Variants in DENND2A observed in about 807,000 individuals in gnomAD.
DENND2A encodes the protein DENN domain-containing protein 2A.
A neutral mutation model predicts 105.3 loss-of-function variants in DENND2A; 53 were observed. The observed-to-expected ratio is 0.50, with a 90% CI of 0.40 to 0.63. The LOEUF (loss-of-function observed/expected upper bound fraction) is 0.63, where lower values mean the gene tolerates loss of function less well. DENND2A is among the 30% of genes least tolerant of loss of function. The pLI is 0.00. For synonymous variants in DENND2A, 522 were observed against 508.4 expected (o/e 1.03, Z -0.36); for missense variants, 1,138 against 1,279.6 (o/e 0.89, Z 1.69).
intron 5 of DENND2A, among the ~76,000 whole-genome samples, chr7:140,581,622 T>G (rs978593684): frequency 6.6e-6 from 1 of 152,104 alleles, no homozygotes; most frequent in Non-Finnish European, 1.5e-5. Context: ...TGGTGAAGTC[T>G]CCAGCTGTCC....
chr7:140,573,379 C>CT (rs982087306), intron 6 of DENND2A, among the ~76,000 whole-genome samples: 1 of 152,144 alleles, frequency 6.6e-6, no homozygotes, highest in African/African-American at 2.4e-5. Flanking sequence ...AATATTTTAC[C>CT]TTTTTGGCTG....
At chr7:140,626,399 TA>T (rs1445767571) in intron 1 of DENND2A, among the ~76,000 whole-genome samples, 4 of 152,112 alleles carry the variant, frequency 2.6e-5, no homozygotes, top group Non-Finnish European at 4.4e-5. Flanking sequence ...CACTGGATAG[TA>T]ATCCTGAGAA....
At chr7:140,542,028 C>T (rs866259573) in intron 14 of DENND2A, among the ~76,000 whole-genome samples, 2 of 151,902 alleles carry the variant, frequency 1.3e-5, no homozygotes, top group African/African-American at 4.8e-5. Context: ...GTCAGATTTC[C>T]TCTCCAAACC....
rs1798615443 is a variant in DENND2A at position 140,583,210 on chromosome 7, G to A, written c.1245+2379C>T. ...TGTAGTCCCAGCTACCTGGGAGGCT[G>A]AGGCAGGAGAATGGCGTGAACCCGG... is the stretch of plus-strand genomic sequence containing the variant. On this transcript the variant is annotated intron_variant, in intron 5 of 19. Transcript: ENST00000496613. Among the ~76,000 whole-genome samples the A allele has an allele frequency of 3.3e-5, 5 of 152,120 alleles. No homozygotes were observed. The South Asian group carries it at 1.0e-3, about 32-fold the overall frequency.
intron 5 of DENND2A, among the ~76,000 whole-genome samples, chr7:140,579,991 G>T (rs1041842552): frequency 1.8e-4 from 27 of 152,054 alleles, no homozygotes; most frequent in African/African-American, 5.8e-4. Context: ...AAAATTAGCT[G>T]GGCATGGTGG....
chr7:140,545,038 G>T (rs1302305131), intron 13 of DENND2A, among the ~76,000 whole-genome samples: 1 of 152,180 alleles, frequency 6.6e-6, no homozygotes, highest in African/African-American at 2.4e-5. Context: ...GACAGAGGAT[G>T]GCAAAATCAA....
At chr7:140,574,746 G>A (rs1268706731) in intron 5 of DENND2A, among the ~76,000 whole-genome samples, 1 of 152,146 alleles carries the variant, frequency 6.6e-6, no homozygotes. Context: ...AGGCTGGCCA[G>A]GTGTGGTTGC....
At chr7:140,626,426 C>A (rs1002933805) in intron 1 of DENND2A, among the ~76,000 whole-genome samples, 3 of 152,276 alleles carry the variant, frequency 2.0e-5, no homozygotes, top group African/African-American at 4.8e-5. Flanking sequence ...GGAAGGACCA[C>A]CCGGTGTGAT....
At chr7:140,541,768 G>C (rs185282758) in intron 14 of DENND2A, among the ~76,000 whole-genome samples, 1 of 152,150 alleles carries the variant, frequency 6.6e-6, no homozygotes. Flanking sequence ...AAAGTGCACC[G>C]GGAGTACGAT....
At chr7:140,546,247 G>A (rs974324614) in intron 13 of DENND2A, among the ~76,000 whole-genome samples, 3 of 152,032 alleles carry the variant, frequency 2.0e-5, no homozygotes, top group South Asian at 4.2e-4. Flanking sequence ...GTGAAACTCC[G>A]TCTGTACTAA....
intron 5 of DENND2A, among the ~76,000 whole-genome samples, chr7:140,575,266 G>C (rs1253401573): frequency 1.3e-5 from 2 of 152,034 alleles, no homozygotes; most frequent in Non-Finnish European, 2.9e-5. Context: ...GAAAATTAAA[G>C]CTCCATTAAA....
intron 11 of DENND2A, among the ~76,000 whole-genome samples, chr7:140,557,874 G>T (rs1797444392): frequency 6.6e-6 from 1 of 151,924 alleles, no homozygotes; most frequent in Non-Finnish European, 1.5e-5. Flanking sequence ...GCCTCATTTT[G>T]TTGCCCGGGC....
intron 1 of DENND2A, among the ~76,000 whole-genome samples, chr7:140,633,809 C>T (rs1800822603): frequency 6.6e-6 from 1 of 152,028 alleles, no homozygotes; most frequent in Non-Finnish European, 1.5e-5. Flanking sequence ...CTCTGTTGCC[C>T]AGGCTGGAGT....
chr7:140,559,882 A>G lies in DENND2A; in HGVS notation c.1780-65T>C. On this transcript the variant is annotated intron_variant, in intron 9 of 19. Coordinates refer to ENST00000496613, the MANE Select transcript of DENND2A (RefSeq NM_015689.5). This position sits in a 1 kb window ranked among gnomAD's most constrained non-coding sequence, Gnocchi z 4.1. ...TCAGCATGGGAAATTGAGGCGGATG[A>G]TGGTAAGGATGGCCTCTCCCACCTT... is the stretch of plus-strand genomic sequence containing the variant. 3 of 1,179,740 alleles carry G rather than the reference A, an allele frequency of 2.5e-6. No individual in the cohort carries two copies. In the South Asian group the frequency reaches 3.8e-5, roughly 15 times the overall value. The allele number at this position is 1,179,740 out of a possible 1,614,324, so 73.1% of individuals were successfully genotyped here.
intron 3 of DENND2A, among the ~76,000 whole-genome samples, chr7:140,595,707 G>C (rs937159711): frequency 6.6e-6 from 1 of 152,010 alleles, no homozygotes; most frequent in East Asian, 1.9e-4. Flanking sequence ...GGCGGAGGTT[G>C]CAGTGAGTTG....
At chr7:140,606,394 A>C (rs955389240) in intron 1 of DENND2A, among the ~76,000 whole-genome samples, 6 of 152,128 alleles carry the variant, frequency 3.9e-5, no homozygotes, top group South Asian at 2.1e-4. Flanking sequence ...AAAACATACA[A>C]ACTTAGAAAG....
chr7:140,519,696 T>C lies in DENND2A; in HGVS notation c.2934A>G (p.Gln978=), dbSNP rs1204881174. The stretch of plus-strand genomic sequence containing the variant: ...CACTGGGGAGTGTTTCCAGATACTC[T>C]TGGGCTCGGACCTCAAACAGACCTG... ...DAKGLFEVRA[Q]EYLETLPSGE... The change falls in exon 19 of 20, where the codon CAA becomes CAG. Residue 978 remains glutamine, a synonymous_variant. Coordinates refer to ENST00000496613, the MANE Select transcript of DENND2A (RefSeq NM_015689.5). The C allele has an allele frequency of 1.2e-6, 2 of 1,614,120 alleles. No individual in the cohort carries two copies. The highest frequency in any genetic ancestry group is 1.1e-5 in the South Asian group (1 of 91,084).
intron 1 of DENND2A, among the ~76,000 whole-genome samples, chr7:140,635,821 A>G (rs919739386): frequency 7.2e-5 from 11 of 152,218 alleles, no homozygotes; most frequent in African/African-American, 2.4e-4. Context: ...CCAGCTGGCA[A>G]AGAACTTAAC....
chr7:140,518,877 A>C (rs1441070287), intron 19 of DENND2A, 139 bp from the exon 20 acceptor site: 12 of 698,434 alleles, frequency 1.7e-5, no homozygotes, highest in South Asian at 1.4e-4. Context: ...GCTCTGGAGA[A>C]GCCAAAGGGG....
Sources: allele counts gnomAD v4.1 joint callset (sites outside exome capture counted in the v4.1 genomes callset), GRCh38; gene constraint gnomAD v4.1.1; non-coding constraint Gnocchi (gnomAD v3.1); transcripts MANE v1.5; gene names NCBI Gene and HGNC (gene_info 2026-07-23, HGNC 2026-07-21).